The following PRDM5 variants were observed in gnomAD, a reference collection of about 807,000 sequenced individuals.
PRDM5 encodes PR/SET domain 5.
PRDM5 carries 56 observed loss-of-function variants against 81.2 expected under a neutral mutation model. The observed-to-expected ratio is 0.69, with a 90% CI of 0.56 to 0.86. The LOEUF (loss-of-function observed/expected upper bound fraction) is 0.86, where lower values mean the gene tolerates loss of function less well. Among genes scored for constraint, PRDM5 ranks in the 40% least tolerant of loss-of-function variants. PRDM5 has a pLI of 0.00. For missense variants in PRDM5, 697 were observed against 770.1 expected, an observed-to-expected ratio of 0.91 and a Z score of 1.12; for synonymous variants, 267 against 256.4, an observed-to-expected ratio of 1.04 and a Z score of -0.39.
intron 10 of PRDM5, among the ~76,000 whole-genome samples, chr4:120,792,268 GT>G (rs1171292066): frequency 5.3e-5 from 8 of 152,184 alleles, no homozygotes; most frequent in Admixed American, 5.2e-4. Context: ...AATGAGTACA[GT>G]TTTTACTATA....
intron 5 of PRDM5, 42 bp from the exon 6 acceptor site, chr4:120,816,966 A>G (rs1193217500): frequency 6.8e-7 from 1 of 1,470,664 alleles, no homozygotes; most frequent in East Asian, 2.3e-5. Flanking sequence ...GAAAACAAAA[A>G]CTGGAACTCT....
chr4:120,892,321 C>T (rs1488141111), intron 2 of PRDM5, among the ~76,000 whole-genome samples: 1 of 152,106 alleles, frequency 6.6e-6, no homozygotes, highest in Non-Finnish European at 1.5e-5. Flanking sequence ...CCATAGATGT[C>T]TGTTGGCCCT....
intron 3 of PRDM5, among the ~76,000 whole-genome samples, chr4:120,852,142 G>T (rs1219477512): frequency 2.6e-5 from 4 of 151,906 alleles, no homozygotes; most frequent in African/African-American, 9.7e-5. Context: ...TTCCACTGAG[G>T]GATCACCTAA....
At chr4:120,843,685 TA>T (rs375029200) in intron 3 of PRDM5, among the ~76,000 whole-genome samples, 550 of 123,400 alleles carry the variant, frequency 4.5e-3, no homozygotes, top group Non-Finnish European at 4.7e-3. Context: ...GATCCGGCCT[TA>T]AAAAAAAAAA....
chr4:120,922,236 C>T (rs1725037659), intron 1 of PRDM5, among the ~76,000 whole-genome samples: 1 of 152,162 alleles, frequency 6.6e-6, no homozygotes, highest in African/African-American at 2.4e-5. Context: ...AGACATCTTG[C>T]GGCAGGGAGG....
At chr4:120,762,299 C>T (rs1484701732) in intron 13 of PRDM5, 4 of 152,050 alleles carry the variant, frequency 2.6e-5, no homozygotes, top group African/African-American at 9.7e-5. Flanking sequence ...TTTGAGTTTT[C>T]TAACAAAAAT....
At chr4:120,807,791 G>T (rs1753200408) in intron 8 of PRDM5, among the ~76,000 whole-genome samples, 1 of 152,174 alleles carries the variant, frequency 6.6e-6, no homozygotes, top group Non-Finnish European at 1.5e-5. Flanking sequence ...TGAAGCTGCA[G>T]ACTTTCACGG....
At chr4:120,822,763 C>A (rs1437581092) in intron 3 of PRDM5, among the ~76,000 whole-genome samples, 1 of 152,098 alleles carries the variant, frequency 6.6e-6, no homozygotes, top group Non-Finnish European at 1.5e-5. Context: ...AAATTATGAT[C>A]ATATGCATCC....
chr4:120,919,776 C>CA (rs1255430535), intron 1 of PRDM5, among the ~76,000 whole-genome samples: 2 of 152,082 alleles, frequency 1.3e-5, no homozygotes, highest in African/African-American at 4.8e-5. Flanking sequence ...AAGCATTAGA[C>CA]AGGGTCTGGC....
intron 14 of PRDM5, among the ~76,000 whole-genome samples, chr4:120,735,818 A>G (rs1181770706): frequency 6.6e-6 from 1 of 152,168 alleles, no homozygotes; most frequent in Non-Finnish European, 1.5e-5. Context: ...AGGAGAACCC[A>G]GGCTCAGGCT....
intron 2 of PRDM5, among the ~76,000 whole-genome samples, chr4:120,877,925 A>T (rs1762478957): frequency 6.6e-6 from 1 of 150,874 alleles, no homozygotes; most frequent in East Asian, 1.9e-4. Context: ...CAACAAAGAT[A>T]AAAGAAGAAT....
chr4:120,766,438 C>G (rs1197190036), intron 13 of PRDM5, among the ~76,000 whole-genome samples: 1 of 152,188 alleles, frequency 6.6e-6, no homozygotes, highest in Non-Finnish European at 1.5e-5. Context: ...ATTACAAATA[C>G]TAATTTTACG....
At chr4:120,723,572 G>A (rs539440433) in intron 14 of PRDM5, among the ~76,000 whole-genome samples, 130 of 151,830 alleles carry the variant, frequency 8.6e-4, no homozygotes, top group Middle Eastern at 3.4e-3. Context: ...TGCAAACTTC[G>A]AAAAATCAAT....
rs560876052 is a variant in PRDM5, at chr4:120,793,554, T to C, written c.1188+4713A>G. ...TGGCATCAAGAAAGCTGGGGACCAC[T>C]GTAGTATAGCCTTGTGGCTACATTT... On this transcript the variant is annotated intron_variant, in intron 10 of 15. Transcript: ENST00000264808. Among the ~76,000 whole-genome samples the C allele has an allele frequency of 3.4e-4, 52 of 152,348 alleles. No individual in the cohort carries two copies. The South Asian group carries it at 0.011, about 31-fold the overall frequency.
chr4:120,771,763 T>C (rs528217614), intron 13 of PRDM5, among the ~76,000 whole-genome samples: 11 of 151,994 alleles, frequency 7.2e-5, no homozygotes, highest in Non-Finnish European at 1.2e-4. Context: ...AGAAGAAAAG[T>C]AGAAAATAAT....
chr4:120,849,023 T>C (rs1758964708), intron 3 of PRDM5, among the ~76,000 whole-genome samples: 1 of 152,146 alleles, frequency 6.6e-6, no homozygotes, highest in Non-Finnish European at 1.5e-5. Context: ...ATAAATCTGG[T>C]AAGAAAAAAC....
At chr4:120,785,231 A>G in intron 10 of PRDM5, 140 bp from the exon 11 acceptor site, 1 of 685,702 alleles carries the variant, frequency 1.5e-6, no homozygotes, top group South Asian at 1.6e-5. Flanking sequence ...CCATTCTTCC[A>G]CCGTAAAATT....
At chr4:120,820,891 C>T (rs902998623) in intron 4 of PRDM5, among the ~76,000 whole-genome samples, 4 of 152,218 alleles carry the variant, frequency 2.6e-5, no homozygotes, top group Admixed American at 1.3e-4. Flanking sequence ...TACCCCAATG[C>T]GCCAGTGAGA....
intron 2 of PRDM5, 45 bp downstream of exon 2, chr4:120,907,429 A>G (rs574206491): frequency 1.4e-6 from 2 of 1,429,416 alleles, no homozygotes; most frequent in Non-Finnish European, 2.0e-6. Flanking sequence ...ATTAAATGGT[A>G]CAATACAAAT....
Sources: allele counts gnomAD v4.1 joint callset (sites outside exome capture counted in the v4.1 genomes callset), GRCh38; gene constraint gnomAD v4.1.1; transcripts MANE v1.5; gene names NCBI Gene and HGNC (gene_info 2026-07-23, HGNC 2026-07-21).